The following PXK variants were observed in gnomAD, a reference collection of about 807,000 sequenced individuals.
PXK encodes PX domain-containing protein kinase-like protein.
In PXK, 35 loss-of-function variants were observed where a neutral mutation model predicts 84.7. That is an observed-to-expected ratio of 0.41 (90% CI 0.32 to 0.55). The LOEUF (loss-of-function observed/expected upper bound fraction) is 0.55, where lower values mean the gene tolerates loss of function less well. PXK is among the 20% of genes least tolerant of loss of function. The pLI, the probability that PXK is intolerant of heterozygous loss-of-function variation, is 0.21. For synonymous variants in PXK, 253 were observed against 260.8 expected, an observed-to-expected ratio of 0.97 and a Z score of 0.29; for missense variants, 634 against 699.7, an observed-to-expected ratio of 0.91 and a Z score of 1.06.
In PXK at chr3:58,400,709, A is replaced by G. The variant is rs530664577; in HGVS notation, c.1181+1332A>G. Among the ~76,000 whole-genome samples the G allele has an allele frequency of 6.6e-6, 1 of 152,152 alleles. No homozygotes were observed. Among genetic ancestry groups the G allele is most frequent in the Non-Finnish European group, 1.5e-5 (1 of 68,022 alleles). ...GTGGATCACTTGAGGTCAGGAGTTCAAGACCATCCTGGCCAACGTGTGGTG... is the reference window on the plus strand; with the variant it reads ...GTGGATCACTTGAGGTCAGGAGTTCGAGACCATCCTGGCCAACGTGTGGTG... On this transcript the variant is annotated intron_variant, in intron 12 of 17. Coordinates refer to ENST00000356151, the MANE Select transcript of PXK (RefSeq NM_017771.5). The surrounding 1 kb of genome is among the most constrained non-coding windows in gnomAD (Gnocchi z 4.0).
At position 58,409,549 on chromosome 3, in the gene PXK, A is replaced by G. The variant is rs1194173191; in HGVS notation, c.1326A>G (p.Arg442=). 1 of 1,613,504 alleles carries G rather than the reference A, an allele frequency of 6.2e-7. No individual in the cohort carries two copies. Among genetic ancestry groups the G allele is most frequent in the Admixed American group, 1.7e-5 (1 of 59,742 alleles). The change falls in exon 15 of 18, where the codon AGA becomes AGG. Residue 442 remains arginine (R), a synonymous_variant. Transcript: ENST00000356151. This position sits in a 1 kb window ranked among gnomAD's most constrained non-coding sequence, Gnocchi z 4.2. ...TTTTAAAGATTCACCAGCATCGAAG[A>G]CTGACAAGAGCTCAGTCCCACCATG... ...EEQKQIHQHR[R]LTRAQSHHGS... is the part of the protein sequence containing the mutation.
rs576387536 is a variant in PXK at position 58,358,601 on chromosome 3, T to G, written c.103-7273T>G. ...TCCCCAGTTTCTCAACCTTGGTACT[T>G]TGACATTTGGGGTCAGATGGCTCTT... On this transcript the variant is annotated intron_variant, in intron 1 of 17. Transcript: ENST00000356151. Among the ~76,000 whole-genome samples the G allele has an allele frequency of 1.6e-4, 24 of 152,290 alleles. 1 individual carries two copies. The South Asian group carries it at 5.0e-3, about 32-fold the overall frequency.
intron 1 of PXK, among the ~76,000 whole-genome samples, chr3:58,361,297 A>T (rs2098182012): frequency 1.2e-5 from 1 of 85,448 alleles, no homozygotes; most frequent in Non-Finnish European, 2.7e-5. Context: ...CTCTGTCTCA[A>T]AAAAAAAAAA....
At chr3:58,389,716 T>C (rs2098604055) in intron 4 of PXK, among the ~76,000 whole-genome samples, 3 of 150,698 alleles carry the variant, frequency 2.0e-5, no homozygotes, top group African/African-American at 4.9e-5. Flanking sequence ...TAGCCAGGCG[T>C]CGGGCAGGTG....
intron 12 of PXK, among the ~76,000 whole-genome samples, chr3:58,402,469 A>T: frequency 6.7e-6 from 1 of 148,656 alleles, no homozygotes. Context: ...TTGCTCTGTC[A>T]CCCAGGCTGG....
chr3:58,373,725 C>G (rs2108592669), intron 3 of PXK, among the ~76,000 whole-genome samples: 1 of 152,222 alleles, frequency 6.6e-6, no homozygotes, highest in South Asian at 2.1e-4. Flanking sequence ...TTTCCTCTGC[C>G]TGGAAGTTGC....
At position 58,412,920 on chromosome 3, in the gene PXK, ACCTCTCACGT is replaced by A; in HGVS notation, c.1488_1497del (p.Leu497ArgfsTer45). Reference sequence around the variant, plus strand: ...TCTTAGCAGGATCTGGGGCCAGCTCACCTCTCACGTCCCCGTCATCGCCAACTCCACCCTC... The same window carrying A: ...TCTTAGCAGGATCTGGGGCCAGCTCACCCCGTCATCGCCAACTCCACCCTC... On this transcript the variant is annotated frameshift_variant, in exon 17 of 18. Transcript: ENST00000356151. LOFTEE classifies it high-confidence loss of function. This position sits in a 1 kb window ranked among gnomAD's most constrained non-coding sequence, Gnocchi z 6.2. The A allele has an allele frequency of 6.2e-7, 1 of 1,614,020 alleles. No homozygotes were observed. The highest frequency in any genetic ancestry group is 8.5e-7 in the Non-Finnish European group (1 of 1,180,004).
At chr3:58,358,621 G>A (rs2098129854) in intron 1 of PXK, among the ~76,000 whole-genome samples, 1 of 152,106 alleles carries the variant, frequency 6.6e-6, no homozygotes, top group African/African-American at 2.4e-5. Context: ...GGGTCAGATG[G>A]CTCTTTGTTG....
At chr3:58,388,173 A>G (rs992424466) in intron 4 of PXK, among the ~76,000 whole-genome samples, 1 of 152,218 alleles carries the variant, frequency 6.6e-6, no homozygotes, top group Non-Finnish European at 1.5e-5. Flanking sequence ...ATCACAGTTC[A>G]GTGGGAAGAA....
intron 1 of PXK, among the ~76,000 whole-genome samples, chr3:58,340,092 A>G (rs1265593772): frequency 6.7e-6 from 1 of 149,304 alleles, no homozygotes; most frequent in Non-Finnish European, 1.5e-5. Flanking sequence ...TACTGGGATT[A>G]CAGGCCCCAG....
rs1267612807 is a variant in PXK, at chr3:58,410,078, T to G, written c.1396-12T>G. ...CCTCTCCCTCCCTCCCCCTTTTCTTTTATTCTTAAAGAAGTCAAAACGATC... is the reference window on the plus strand; with the variant it reads ...CCTCTCCCTCCCTCCCCCTTTTCTTGTATTCTTAAAGAAGTCAAAACGATC... On this transcript the variant is annotated splice_polypyrimidine_tract_variant and intron_variant, in intron 15 of 17. Transcript: ENST00000356151. 2 of 1,559,824 alleles carry G rather than the reference T, an allele frequency of 1.3e-6. No homozygotes were observed. The highest frequency in any genetic ancestry group is 4.5e-5 in the East Asian group (2 of 44,706).
At position 58,416,866 on chromosome 3, in the gene PXK, C is replaced by T. The variant is rs1254429907; in HGVS notation, c.1528+3903C>T. Among the ~76,000 whole-genome samples, 1 of 152,088 alleles carries T rather than the reference C, an allele frequency of 6.6e-6. No individual in the cohort carries two copies. The highest frequency in any genetic ancestry group is 2.4e-5 in the African/African-American group (1 of 41,416). On this transcript the variant is annotated intron_variant, in intron 17 of 17. Transcript: ENST00000356151. The surrounding 1 kb of genome is among the most constrained non-coding windows in gnomAD (Gnocchi z 4.8). ...TTGAACTCCTGACCTCAAAGTGATC[C>T]ACCCGCCTCGGCCCCCAAAGTGCTG...
chr3:58,408,961 A>G lies in PXK; in HGVS notation c.1268A>G (p.Lys423Arg), dbSNP rs2059788994. The G allele has an allele frequency of 6.3e-7, 1 of 1,592,582 alleles. No homozygotes were observed. Among genetic ancestry groups the G allele is most frequent in the Non-Finnish European group, 8.6e-7 (1 of 1,160,636 alleles). Residue 423 changes from lysine (K) to arginine (R), a missense_variant, in exon 14 of 18, where the codon AAA becomes AGA. This residue lies in a region of PXK where 273 missense variants were observed against 283.6 expected (regional missense o/e 0.96). Transcript: ENST00000356151. The part of the protein sequence containing the change: ...TKLKEALRIA[K>R]ECIEKRLIEE... ...TTAAAAGAGGCATTGAGAATTGCCAAAGAATGTATAGAGAAGAGACTAATT... is the reference window on the plus strand; with the variant it reads ...TTAAAAGAGGCATTGAGAATTGCCAGAGAATGTATAGAGAAGAGACTAATT...
intron 17 of PXK, chr3:58,423,416 T>C: frequency 2.0e-6 from 3 of 1,520,162 alleles, no homozygotes; most frequent in South Asian, 1.2e-5. Context: ...CATTCCAAGA[T>C]TGCAGAGCAT....
intron 1 of PXK, among the ~76,000 whole-genome samples, chr3:58,355,147 G>GAA (rs367672428): frequency 2.1e-5 from 3 of 145,280 alleles, no homozygotes; most frequent in African/African-American, 7.6e-5. Flanking sequence ...AAAAAAAAAA[G>GAA]AAAAAACAGA....
At position 58,395,073 on chromosome 3, in the gene PXK, A is replaced by C; in HGVS notation, c.691A>C (p.Lys231Gln). The C allele has an allele frequency of 6.2e-7, 1 of 1,613,002 alleles. No individual in the cohort carries two copies. Among genetic ancestry groups the C allele is most frequent in the Non-Finnish European group, 8.5e-7 (1 of 1,179,008 alleles). ...GTTGCTAATTAGGATGTTTAACGAA[A>C]AGGGAACATTGAAGGATCTGATCTA... ...SALLIRMFNE[K>Q]GTLKDLIYKA... The change falls in exon 8 of 18, where the codon AAG (lysine) becomes CAG (glutamine). Residue 231 changes from lysine to glutamine, a missense_variant. Lys to Gln is a moderately conservative substitution (Grantham distance 53). Coordinates refer to ENST00000356151, the MANE Select transcript of PXK (RefSeq NM_017771.5).
chr3:58,356,692 C>T (rs1167012084), intron 1 of PXK, among the ~76,000 whole-genome samples: 2 of 151,792 alleles, frequency 1.3e-5, no homozygotes, highest in East Asian at 2.0e-4. Context: ...CAACCTCCGC[C>T]TCCTGGGTTC....
At chr3:58,405,047 T>G (rs114585025) in intron 13 of PXK, among the ~76,000 whole-genome samples, 139 of 152,266 alleles carry the variant, frequency 9.1e-4, no homozygotes, top group Non-Finnish European at 1.6e-3. Flanking sequence ...GATTCAGGAG[T>G]TAGTACTAGA....
intron 4 of PXK, among the ~76,000 whole-genome samples, chr3:58,388,322 G>A (rs2098584124): frequency 6.6e-6 from 1 of 152,312 alleles, no homozygotes; most frequent in East Asian, 1.9e-4. Flanking sequence ...GCACATAGTA[G>A]CATACAGTAG....
Sources: allele counts gnomAD v4.1 joint callset (sites outside exome capture counted in the v4.1 genomes callset), GRCh38; gene constraint gnomAD v4.1.1; regional missense constraint gnomAD v4.1.1; non-coding constraint Gnocchi (gnomAD v3.1); transcripts MANE v1.5; gene names NCBI Gene and HGNC (gene_info 2026-07-23, HGNC 2026-07-21).